MMP20: variants seen among roughly 807,000 people sequenced by gnomAD.
The protein encoded by MMP20 is matrix metalloproteinase-20.
In MMP20, 50 loss-of-function variants were observed where a neutral mutation model predicts 51.8. The ratio of observed to expected loss-of-function variants is 0.97; its 90% confidence interval spans 0.77 to 1.22. MMP20 has a LOEUF of 1.22. Among genes scored for constraint, MMP20 ranks in the 50% most tolerant of loss-of-function variants. The pLI, the probability that MMP20 is intolerant of heterozygous loss-of-function variation, is 0.00. For synonymous variants in MMP20, 244 were observed against 216.2 expected (o/e 1.13, Z -1.13); for missense variants, 663 against 601.4 (o/e 1.10, Z -1.07).
chr11:102,578,798 C>CAAAA (rs1211284829), intron 9 of MMP20, among the ~76,000 whole-genome samples: 1 of 123,960 alleles, frequency 8.1e-6, no homozygotes, highest in South Asian at 2.5e-4. Flanking sequence ...CACACAAAAA[C>CAAAA]AAAAACAAAC....
In MMP20 at chr11:102,609,975, A is replaced by T; in HGVS notation, c.579T>A (p.Phe193Leu). 6.2e-7 allele frequency: 1 copy of T among 1,614,202 alleles called. No homozygotes were observed. Among genetic ancestry groups the T allele is most frequent in the Non-Finnish European group, 8.5e-7 (1 of 1,180,028 alleles). ...DGPRGTLAHA[F>L]APGEGLGGDT... ...CTCCTCCCAGGCCTTCTCCAGGAGCAAATGCATGGGCTAGAGTCCCCCGAG... is the reference window on the plus strand; with the variant it reads ...CTCCTCCCAGGCCTTCTCCAGGAGCTAATGCATGGGCTAGAGTCCCCCGAG... Residue 193 changes from phenylalanine (F) to leucine (L), a missense_variant, in exon 4 of 10, where the codon TTT (phenylalanine) becomes TTA (leucine). Phe to Leu is a conservative substitution (Grantham distance 22). Transcript: ENST00000260228.
chr11:102,600,747 A>C (rs1424485130), intron 6 of MMP20, among the ~76,000 whole-genome samples: 2 of 151,970 alleles, frequency 1.3e-5, no homozygotes, highest in African/African-American at 2.4e-5. Flanking sequence ...GCCTCTCCCA[A>C]AGTGCTGGGA....
At chr11:102,598,019 C>T (rs1206386116) in intron 6 of MMP20, among the ~76,000 whole-genome samples, 1 of 147,636 alleles carries the variant, frequency 6.8e-6, no homozygotes, top group East Asian at 2.0e-4. Context: ...TGCCTGCCTC[C>T]ACCTCCCAAA....
At chr11:102,589,718 T>C (rs1859295437) in intron 8 of MMP20, among the ~76,000 whole-genome samples, 1 of 152,228 alleles carries the variant, frequency 6.6e-6, no homozygotes, top group Admixed American at 6.5e-5. Context: ...CTCTTGAATG[T>C]CACTAGTACA....
rs1859138665 is a variant in MMP20 at position 102,577,415 on chromosome 11, A to T, written c.1363T>A (p.Phe455Ile). Residue 455 changes from phenylalanine to isoleucine, a missense_variant, in exon 10 of 10, where the codon TTC becomes ATC. Transcript: ENST00000260228. The stretch of plus-strand genomic sequence containing the variant: ...TTGTATGTTTTTGGTCCTGAAAAGA[A>T]GTAAATGTAGCCTAAAAGAGACAAA... ...AAVELNGYIY[F>I]FSGPKTYKYD... 1 of 1,612,440 alleles carries T rather than the reference A, an allele frequency of 6.2e-7. No individual in the cohort carries two copies. The highest frequency in any genetic ancestry group is 1.1e-5 in the South Asian group (1 of 91,048).
intron 5 of MMP20, among the ~76,000 whole-genome samples, chr11:102,608,699 T>C (rs1859551966): frequency 1.4e-5 from 2 of 139,140 alleles, no homozygotes; most frequent in Non-Finnish European, 3.2e-5. Flanking sequence ...AACCGACAAA[T>C]GACTATATTT....
intron 2 of MMP20, 115 bp downstream of exon 2, chr11:102,616,697 G>C (rs948194698): frequency 2.2e-6 from 3 of 1,340,226 alleles, no homozygotes; most frequent in Non-Finnish European, 3.1e-6. Flanking sequence ...TTATTCTTAT[G>C]GTTGTGAGGT....
At chr11:102,595,776 A>G (rs1206226774) in intron 6 of MMP20, among the ~76,000 whole-genome samples, 2 of 152,216 alleles carry the variant, frequency 1.3e-5, no homozygotes, top group African/African-American at 4.8e-5. Context: ...AGGGTACTGG[A>G]TTGAAACTGA....
intron 6 of MMP20, among the ~76,000 whole-genome samples, chr11:102,602,067 A>C (rs1461490830): frequency 6.9e-6 from 1 of 144,866 alleles, no homozygotes. Context: ...CTCCTGCCTC[A>C]GCCTCCCGAG....
Position 102,615,253 on chromosome 11 carries a change from T to A in MMP20, c.374+1559A>T, listed in dbSNP as rs549048087. On this transcript the variant is annotated intron_variant, in intron 2 of 9. Transcript: ENST00000260228. ...AATATATTTTAATAATAAATATAAATATGAAATAATATACTTATTTAATAT... is the reference window on the plus strand; with the variant it reads ...AATATATTTTAATAATAAATATAAAAATGAAATAATATACTTATTTAATAT... 6.8e-3 allele frequency among the ~76,000 whole-genome samples: 1,005 copies of A among 147,600 alleles called. 16 individuals are homozygous for A. Among genetic ancestry groups the A allele is most frequent in the African/African-American group, 0.023 (957 of 40,814 alleles).
At chr11:102,608,591 T>G (rs576298709) in intron 5 of MMP20, among the ~76,000 whole-genome samples, 1 of 152,324 alleles carries the variant, frequency 6.6e-6, no homozygotes, top group East Asian at 1.9e-4. Flanking sequence ...ATAAGGTCAC[T>G]TATCTGCAAA....
intron 8 of MMP20, among the ~76,000 whole-genome samples, chr11:102,586,826 A>T (rs2135930385): frequency 6.6e-6 from 1 of 152,210 alleles, no homozygotes. Context: ...CAAAAAAAAA[A>T]AATTGTTTCT....
intron 6 of MMP20, among the ~76,000 whole-genome samples, chr11:102,596,398 T>A (rs1437869235): frequency 1.3e-5 from 2 of 152,186 alleles, no homozygotes; most frequent in African/African-American, 2.4e-5. Context: ...CAAGCCTCAG[T>A]TTAATCAGCT....
At position 102,611,856 on chromosome 11, in the gene MMP20, G is replaced by A; in HGVS notation, c.422C>T (p.Ala141Val). 1 of 1,614,210 alleles carries A rather than the reference G, an allele frequency of 6.2e-7. No individual in the cohort carries two copies. Among genetic ancestry groups the A allele is most frequent in the Non-Finnish European group, 8.5e-7 (1 of 1,180,016 alleles). ...CCAGGCCTGCAAGGCCATCTCCACT[G>A]CTTTGTCCACCTCGACAGAACTCAT... ...PSMSSVEVDKAVEMALQAWSS... is the reference protein window; with the variant it reads ...PSMSSVEVDKVVEMALQAWSS... The change falls in exon 3 of 10, where the codon GCA becomes GTA. Residue 141 changes from alanine to valine, a missense_variant. Coordinates refer to ENST00000260228, the MANE Select transcript of MMP20 (RefSeq NM_004771.4).
chr11:102,585,070 T>A (rs928119146), intron 8 of MMP20, among the ~76,000 whole-genome samples: 4 of 152,164 alleles, frequency 2.6e-5, no homozygotes, highest in African/African-American at 9.7e-5. Flanking sequence ...TCCAACTTTG[T>A]TCTTTTTAAA....
intron 6 of MMP20, among the ~76,000 whole-genome samples, chr11:102,602,116 A>ATT (rs10593493): frequency 1.5e-4 from 16 of 109,664 alleles, no homozygotes; most frequent in Non-Finnish European, 2.0e-4. Context: ...CGCCCGGCTA[A>ATT]TTTTTTTTTT....
Position 102,577,168 on chromosome 11 carries a change from A to G in MMP20, c.*158T>C. On this transcript the variant is annotated 3_prime_UTR_variant, in exon 10 of 10. Coordinates refer to ENST00000260228, the MANE Select transcript of MMP20 (RefSeq NM_004771.4). ...GGATTGAAATTCTGATTATACAACT[A>G]TGAAAAAAATTGGAAGTATTATTAT... 1 of 627,902 alleles carries G rather than the reference A, an allele frequency of 1.6e-6. No homozygotes were observed. Among genetic ancestry groups the G allele is most frequent in the Non-Finnish European group, 2.8e-6 (1 of 352,964 alleles). The allele number at this position is 627,902 out of a possible 1,614,324, so 38.9% of individuals were successfully genotyped here. A position where few individuals can be genotyped will look rare whatever the true frequency, so the allele number is the denominator to read the frequency against.
intron 8 of MMP20, among the ~76,000 whole-genome samples, chr11:102,585,805 G>A (rs1784451): frequency 0.44 from 67,005 of 152,008 alleles, 15,085 homozygotes; most frequent in South Asian, 0.6. Context: ...CTAGGTTGCT[G>A]AATGTTTTTT....
At chr11:102,582,019 C>T (rs1859201353) in intron 8 of MMP20, among the ~76,000 whole-genome samples, 1 of 151,964 alleles carries the variant, frequency 6.6e-6, no homozygotes, top group Non-Finnish European at 1.5e-5. Context: ...CCTTTGTGGG[C>T]ATTTGTTACA....
Sources: allele counts gnomAD v4.1 joint callset (sites outside exome capture counted in the v4.1 genomes callset), GRCh38; gene constraint gnomAD v4.1.1; transcripts MANE v1.5; gene names NCBI Gene and HGNC (gene_info 2026-07-23, HGNC 2026-07-21).